ASTN2: variants seen among roughly 807,000 people sequenced by gnomAD.
ASTN2 encodes astrotactin-2.
Under a neutral mutation model 139.8 loss-of-function variants are expected in ASTN2, and 54 were observed. The observed-to-expected ratio is 0.39, with a 90% CI of 0.31 to 0.48. The LOEUF (loss-of-function observed/expected upper bound fraction) is 0.48, where lower values mean the gene tolerates loss of function less well. Among genes scored for constraint, ASTN2 ranks in the 20% least tolerant of loss-of-function variants. The pLI, the probability that ASTN2 is intolerant of heterozygous loss-of-function variation, is 0.95. For missense variants in ASTN2, 1,565 were observed against 1,725.1 expected (o/e 0.91, Z 1.64); for synonymous variants, 756 against 719.5 (o/e 1.05, Z -0.81).
chr9:117,226,132 A>T (rs1397989088), intron 2 of ASTN2, among the ~76,000 whole-genome samples: 3 of 152,240 alleles, frequency 2.0e-5, no homozygotes, highest in African/African-American at 7.2e-5. Flanking sequence ...TGCAATTCCA[A>T]TTACAGTCAA....
At position 117,414,973 on chromosome 9, in the gene ASTN2, G is replaced by A. The variant is rs972388645; in HGVS notation, c.-35C>T. The A allele has an allele frequency of 3.3e-4, 68 of 209,034 alleles. No homozygotes were observed. The highest frequency in any genetic ancestry group is 1.6e-3 in the African/African-American group (65 of 41,930). The allele number at this position is 209,034 out of a possible 1,614,324, so 12.9% of individuals were successfully genotyped here. ...GGCTGCGGTGCTGCGGGCGGCGGCG[G>A]CGGTGGCGGCGGTGGCGAAGGAGGA... On this transcript the variant is annotated 5_prime_UTR_variant, in exon 1 of 23. Coordinates refer to ENST00000313400, the MANE Select transcript of ASTN2 (RefSeq NM_001365068.1). The surrounding 1 kb of genome is among the most constrained non-coding windows in gnomAD (Gnocchi z 4.2).
intron 5 of ASTN2, among the ~76,000 whole-genome samples, chr9:117,061,393 C>T (rs559576245): frequency 2.6e-5 from 4 of 152,100 alleles, no homozygotes; most frequent in Non-Finnish European, 5.9e-5. Context: ...ATTAATGTTG[C>T]TCTTTTTTTC....
intron 13 of ASTN2, among the ~76,000 whole-genome samples, chr9:116,798,051 A>G (rs1248237907): frequency 1.3e-5 from 2 of 152,328 alleles, no homozygotes; most frequent in African/African-American, 4.8e-5. Flanking sequence ...TGGAAGGATC[A>G]CTTGAGGCCA....
intron 17 of ASTN2, among the ~76,000 whole-genome samples, chr9:116,632,569 C>T (rs766748797): frequency 1.2e-4 from 18 of 152,200 alleles, no homozygotes; most frequent in Admixed American, 6.5e-4. Flanking sequence ...CATATCCCAC[C>T]GCCATAGCCT....
chr9:117,167,206 C>G (rs1404972700), intron 3 of ASTN2, among the ~76,000 whole-genome samples: 1 of 152,116 alleles, frequency 6.6e-6, no homozygotes, highest in Non-Finnish European at 1.5e-5. Context: ...AATGCTCTAT[C>G]TCTGTCATCT....
chr9:117,278,694 T>A (rs890727200), intron 2 of ASTN2, among the ~76,000 whole-genome samples: 1 of 152,152 alleles, frequency 6.6e-6, no homozygotes, highest in Non-Finnish European at 1.5e-5. Context: ...AAAACAAGTG[T>A]TATTTTGCTA....
At chr9:116,694,525 G>A (rs890488205) in intron 16 of ASTN2, among the ~76,000 whole-genome samples, 2 of 146,186 alleles carry the variant, frequency 1.4e-5, no homozygotes, top group African/African-American at 2.6e-5. Flanking sequence ...GCAGTGGCGC[G>A]TCTCGGCTCA....
intron 3 of ASTN2, among the ~76,000 whole-genome samples, chr9:117,142,696 GA>G (rs1358862142): frequency 6.6e-6 from 1 of 151,800 alleles, no homozygotes; most frequent in African/African-American, 2.4e-5. Context: ...AAGATAAAAG[GA>G]AAAAAATAAC....
At chr9:117,036,669 A>T (rs536878640) in intron 6 of ASTN2, among the ~76,000 whole-genome samples, 1 of 152,092 alleles carries the variant, frequency 6.6e-6, no homozygotes, top group African/African-American at 2.4e-5. Context: ...AAGTTATTCA[A>T]ATTGGCCAAT....
At chr9:116,569,995 GAA>G (rs965738750) in intron 19 of ASTN2, among the ~76,000 whole-genome samples, 1 of 152,186 alleles carries the variant, frequency 6.6e-6, no homozygotes, top group Non-Finnish European at 1.5e-5. Flanking sequence ...CTCAAGATGT[GAA>G]AAGTCATTGG....
chr9:116,989,015 T>C (rs1836764070), intron 7 of ASTN2, among the ~76,000 whole-genome samples: 1 of 152,132 alleles, frequency 6.6e-6, no homozygotes, highest in Admixed American at 6.5e-5. Flanking sequence ...TGATTAATAA[T>C]TCAATTCCCC....
At chr9:117,358,285 CACACACACACAT>C (rs1224735021) in intron 1 of ASTN2, among the ~76,000 whole-genome samples, 2 of 151,878 alleles carry the variant, frequency 1.3e-5, no homozygotes, top group Admixed American at 1.3e-4. Context: ...CACACACACA[CACACACACACAT>C]ACACATCCAC....
intron 5 of ASTN2, among the ~76,000 whole-genome samples, chr9:117,087,217 T>TG (rs1202207148): frequency 8.0e-6 from 1 of 124,280 alleles, no homozygotes; most frequent in African/African-American, 2.9e-5. Context: ...CATTTTTTTC[T>TG]TTTTGTTTGT....
chr9:117,261,701 C>T (rs1169868275), intron 2 of ASTN2, among the ~76,000 whole-genome samples: 2 of 152,146 alleles, frequency 1.3e-5, no homozygotes, highest in Admixed American at 6.5e-5. Context: ...GTGCATTTGA[C>T]TGGAAATGTA....
At position 117,275,419 on chromosome 9, in the gene ASTN2, C is replaced by T. The variant is rs73655685; in HGVS notation, c.630+15907G>A. On this transcript the variant is annotated intron_variant, in intron 2 of 22. Transcript: ENST00000313400. ...TTTTATTTTCTTACAGTTCTGGAGG[C>T]TGGAAGTCTAACATCGAGGCACCAG... Among the ~76,000 whole-genome samples the T allele has an allele frequency of 2.2e-3, 333 of 152,274 alleles. 2 individuals carry two copies. Among genetic ancestry groups the T allele is most frequent in the African/African-American group, 7.8e-3 (326 of 41,564 alleles).
intron 1 of ASTN2, among the ~76,000 whole-genome samples, chr9:117,399,363 G>T (rs1043209790): frequency 6.6e-6 from 1 of 152,086 alleles, no homozygotes; most frequent in East Asian, 1.9e-4. Flanking sequence ...AGGCAGAAAA[G>T]ATATTTTTAA....
chr9:117,380,375 G>A (rs1302737400), intron 1 of ASTN2, among the ~76,000 whole-genome samples: 1 of 152,108 alleles, frequency 6.6e-6, no homozygotes, highest in Non-Finnish European at 1.5e-5. Context: ...GGGAGGCCAA[G>A]GTGGGCAAAT....
intron 1 of ASTN2, among the ~76,000 whole-genome samples, chr9:117,374,017 G>C (rs1830056072): frequency 6.6e-6 from 1 of 152,112 alleles, no homozygotes; most frequent in African/African-American, 2.4e-5. Context: ...CTTTTAGACA[G>C]AAGGGGAAAA....
At chr9:116,562,085 G>T (rs1417092527) in intron 19 of ASTN2, 1 of 152,180 alleles carries the variant, frequency 6.6e-6, no homozygotes, top group Non-Finnish European at 1.5e-5. Flanking sequence ...TTAAACCAAA[G>T]AACAGTCCAG....
Sources: gnomAD v4.1 joint callset for allele counts (sites outside exome capture counted in the v4.1 genomes callset) on GRCh38, gnomAD v4.1.1 for gene constraint, Gnocchi (gnomAD v3.1) non-coding constraint, MANE v1.5 for transcripts, NCBI Gene and HGNC (gene_info 2026-07-23, HGNC 2026-07-21) for gene names.